Variants in ILRUN observed in about 807,000 individuals in gnomAD.
The protein encoded by ILRUN is inflammation and lipid regulator with UBA-like and NBR1-like domains.
A neutral mutation model predicts 33.8 loss-of-function variants in ILRUN; 3 were observed. That is an observed-to-expected ratio of 0.09 (90% CI 0.04 to 0.23). The LOEUF (loss-of-function observed/expected upper bound fraction) is 0.23. Among genes scored for constraint, ILRUN ranks in the 10% least tolerant of loss-of-function variants. The pLI, the probability that ILRUN is intolerant of heterozygous loss-of-function variation, is 1.00. For synonymous variants in ILRUN, 124 were observed against 138.9 expected (o/e 0.89, Z 0.75); for missense variants, 210 against 375.1 (o/e 0.56, Z 3.64).
chr6:34,628,690 T>C (rs1762188615), intron 3 of ILRUN, among the ~76,000 whole-genome samples: 2 of 152,320 alleles, frequency 1.3e-5, no homozygotes, highest in South Asian at 4.1e-4. Context: ...GATATGTGCA[T>C]CTAAGTTCAT....
chr6:34,589,117 AG>A lies in ILRUN; in HGVS notation c.*1447del, dbSNP rs2127303912. 6.5e-6 allele frequency: 1 copy of A among 153,244 alleles called. No homozygotes were observed. Among genetic ancestry groups the A allele is most frequent in the Non-Finnish European group, 1.5e-5 (1 of 68,446 alleles). 9.5% of individuals were successfully genotyped at this position (153,244 alleles called of 1,614,324 possible). On this transcript the variant is annotated 3_prime_UTR_variant, in exon 5 of 5. Coordinates refer to ENST00000374023, the MANE Select transcript of ILRUN (RefSeq NM_024294.4). ...AAACCAACTAAGACTTGAGGGAAGG[AG>A]GGGGGTAAGAGGGACTTTGCATATT...
chr6:34,626,507 T>C (rs1762134285), intron 3 of ILRUN, among the ~76,000 whole-genome samples: 2 of 152,192 alleles, frequency 1.3e-5, no homozygotes, highest in South Asian at 2.1e-4. Flanking sequence ...AGTTTTAGGT[T>C]CACAGCAAAA....
chr6:34,607,009 T>G, intron 3 of ILRUN, 105 bp from the exon 4 acceptor site: 3 of 817,338 alleles, frequency 3.7e-6, no homozygotes, highest in Non-Finnish European at 5.7e-6. Flanking sequence ...GAATGAAACA[T>G]TCTTCTATAT....
chr6:34,656,600 A>G (rs1762775906), intron 1 of ILRUN, among the ~76,000 whole-genome samples: 1 of 152,232 alleles, frequency 6.6e-6, no homozygotes, highest in Non-Finnish European at 1.5e-5. Context: ...ACCATAAACC[A>G]ACGAATCCAC....
At chr6:34,594,167 C>G (rs1761349437) in intron 4 of ILRUN, among the ~76,000 whole-genome samples, 1 of 152,152 alleles carries the variant, frequency 6.6e-6, no homozygotes, top group Non-Finnish European at 1.5e-5. Flanking sequence ...TTTAGCTAAC[C>G]TGGAATCAAT....
intron 2 of ILRUN, among the ~76,000 whole-genome samples, chr6:34,650,620 A>G (rs1190055919): frequency 6.6e-6 from 1 of 151,196 alleles, no homozygotes; most frequent in Non-Finnish European, 1.5e-5. Context: ...TTTAGTAGAG[A>G]TGGGGTTTTT....
At chr6:34,620,260 G>C (rs966164202) in intron 3 of ILRUN, among the ~76,000 whole-genome samples, 1 of 152,090 alleles carries the variant, frequency 6.6e-6, no homozygotes, top group Non-Finnish European at 1.5e-5. Flanking sequence ...GTCAAGGTGA[G>C]ACACCGTAAA....
At chr6:34,593,457 GT>G (rs1761336268) in intron 4 of ILRUN, among the ~76,000 whole-genome samples, 1 of 152,134 alleles carries the variant, frequency 6.6e-6, no homozygotes, top group South Asian at 2.1e-4. Flanking sequence ...AATAAAGCAG[GT>G]TCTATTCAAT....
chr6:34,600,193 G>C (rs926651312), intron 4 of ILRUN, among the ~76,000 whole-genome samples: 3 of 152,026 alleles, frequency 2.0e-5, no homozygotes, highest in East Asian at 1.9e-4. Flanking sequence ...TTTTTCCTCA[G>C]AGCAAAAGCC....
intron 3 of ILRUN, among the ~76,000 whole-genome samples, chr6:34,643,720 G>C (rs1033480556): frequency 6.6e-6 from 1 of 152,008 alleles, no homozygotes; most frequent in Non-Finnish European, 1.5e-5. Flanking sequence ...TTTTTTGTTT[G>C]ATATGAAGCC....
chr6:34,694,251 T>C lies in ILRUN; in HGVS notation c.158+2195A>G, dbSNP rs139619410. On this transcript the variant is annotated intron_variant, in intron 1 of 4. Coordinates refer to ENST00000374023, the MANE Select transcript of ILRUN (RefSeq NM_024294.4). ...ACTGCTTTTGTAGCCATAATAATTA[T>C]ACTAATAAAGACTGACTCTAAAGAA... Among the ~76,000 whole-genome samples, 510 of 152,304 alleles carry C rather than the reference T, an allele frequency of 3.3e-3. 1 individual carries two copies. The highest frequency in any genetic ancestry group is 0.015 in the South Asian group (71 of 4,824).
rs1761579760 is a variant in ILRUN at position 34,604,341 on chromosome 6, T to C, written c.861+2214A>G. Reference sequence around the variant, plus strand: ...TGACTGTGTGCAACCATCACAGAGGTGGTTAAAAAGCATCAGTCCCTAAAG... The same window carrying C: ...TGACTGTGTGCAACCATCACAGAGGCGGTTAAAAAGCATCAGTCCCTAAAG... On this transcript the variant is annotated intron_variant, in intron 4 of 4. Transcript: ENST00000374023. Among the ~76,000 whole-genome samples the C allele has an allele frequency of 4.0e-5, 6 of 151,866 alleles. No individual in the cohort carries two copies. In the South Asian group the frequency reaches 1.2e-3, roughly 32 times the overall value.
chr6:34,622,977 T>C (rs1394471925), intron 3 of ILRUN, among the ~76,000 whole-genome samples: 1 of 152,208 alleles, frequency 6.6e-6, no homozygotes, highest in Non-Finnish European at 1.5e-5. Context: ...TAATGTTAAG[T>C]GAAATAAAGT....
intron 1 of ILRUN, among the ~76,000 whole-genome samples, chr6:34,659,599 T>C (rs1323528598): frequency 6.6e-6 from 1 of 150,814 alleles, no homozygotes; most frequent in Non-Finnish European, 1.5e-5. Flanking sequence ...TTGTTGTATA[T>C]ATACATACAT....
intron 1 of ILRUN, among the ~76,000 whole-genome samples, chr6:34,683,487 C>CATATAT (rs1229592329): frequency 1.2e-5 from 1 of 81,884 alleles, no homozygotes; most frequent in African/African-American, 7.6e-5. Flanking sequence ...TATATATATA[C>CATATAT]ATATATATAT....
intron 1 of ILRUN, among the ~76,000 whole-genome samples, chr6:34,671,166 G>A (rs1763110317): frequency 6.6e-6 from 1 of 152,120 alleles, no homozygotes; most frequent in Non-Finnish European, 1.5e-5. Context: ...CACCACTTTG[G>A]GAGGCTGAGG....
chr6:34,609,836 T>C (rs1250623845), intron 3 of ILRUN, among the ~76,000 whole-genome samples: 2 of 152,128 alleles, frequency 1.3e-5, no homozygotes, highest in South Asian at 2.1e-4. Flanking sequence ...CTCACAGGAA[T>C]GTACATTCAT....
chr6:34,665,615 G>A (rs1257948932), intron 1 of ILRUN, among the ~76,000 whole-genome samples: 1 of 152,014 alleles, frequency 6.6e-6, no homozygotes. Context: ...TTATAATAGA[G>A]ATAGGGTCTT....
At chr6:34,691,850 T>C (rs1284177690) in intron 1 of ILRUN, among the ~76,000 whole-genome samples, 16 of 152,002 alleles carry the variant, frequency 1.1e-4, no homozygotes. Context: ...AAACAAAATA[T>C]GTGTTAACAG....
Sources: allele counts gnomAD v4.1 joint callset (sites outside exome capture counted in the v4.1 genomes callset), GRCh38; gene constraint gnomAD v4.1.1; transcripts MANE v1.5; gene names NCBI Gene and HGNC (gene_info 2026-07-23, HGNC 2026-07-21).